The following ULK4 variants were observed in gnomAD, a reference collection of about 807,000 sequenced individuals.
ULK4 encodes the protein unc-51 like kinase 4.
Under a neutral mutation model 160.6 loss-of-function variants are expected in ULK4, and 133 were observed. The ratio of observed to expected loss-of-function variants is 0.83; its 90% CI spans 0.72 to 0.96. ULK4 has a LOEUF of 0.96. Ranked by LOEUF, ULK4 falls within the 40% of genes least tolerant of loss-of-function variation. The pLI is 0.00. For missense variants in ULK4, 1,580 were observed against 1,499.5 expected (o/e 1.05, Z -0.89); for synonymous variants, 534 against 539.8 (o/e 0.99, Z 0.15).
intron 20 of ULK4, among the ~76,000 whole-genome samples, chr3:41,794,700 A>AAAC (rs1438578130): frequency 2.0e-5 from 3 of 148,628 alleles, no homozygotes; most frequent in Non-Finnish European, 3.0e-5. Context: ...AGAAAAAAAA[A>AAAC]CCACAAACCT....
chr3:41,869,286 T>C (rs1366557100), intron 17 of ULK4, among the ~76,000 whole-genome samples: 4 of 152,168 alleles, frequency 2.6e-5, no homozygotes, highest in African/African-American at 4.8e-5. Context: ...TATTATATTA[T>C]GGGCTATACA....
At chr3:41,306,528 G>A (rs1351926712) in intron 35 of ULK4, among the ~76,000 whole-genome samples, 8 of 149,058 alleles carry the variant, frequency 5.4e-5, no homozygotes, top group Admixed American at 1.3e-4. Flanking sequence ...GAGGTGGGGG[G>A]GTCAGCCCCC....
In ULK4 at chr3:41,434,755, G is replaced by A. The variant is rs896253619; in HGVS notation, c.3492+20742C>T. 3.9e-5 allele frequency among the ~76,000 whole-genome samples: 6 copies of A among 152,254 alleles called. No homozygotes were observed. The East Asian group carries it at 1.2e-3, about 29-fold the overall frequency. Reference sequence around the variant, plus strand: ...ACTTTTGGTACCTTGTATGTGAAAAGTCCCAGCATATAAATATATTTTTTA... The same window carrying A: ...ACTTTTGGTACCTTGTATGTGAAAAATCCCAGCATATAAATATATTTTTTA... On this transcript the variant is annotated intron_variant, in intron 34 of 36. Transcript: ENST00000301831.
At chr3:41,345,078 C>G (rs115952499) in intron 35 of ULK4, among the ~76,000 whole-genome samples, 2 of 152,154 alleles carry the variant, frequency 1.3e-5, no homozygotes, top group East Asian at 3.9e-4. Context: ...CACGAGATAC[C>G]GTCTCATGCC....
intron 27 of ULK4, among the ~76,000 whole-genome samples, chr3:41,691,979 T>A (rs2036317558): frequency 7.6e-6 from 1 of 131,512 alleles, no homozygotes; most frequent in Admixed American, 8.4e-5. Flanking sequence ...TGAGACTGAG[T>A]CTCGCTCTTT....
intron 25 of ULK4, among the ~76,000 whole-genome samples, chr3:41,711,353 G>A (rs73069356): frequency 0.12 from 17,603 of 152,130 alleles, 1,225 homozygotes; most frequent in Middle Eastern, 0.26. Flanking sequence ...CTGGCTAGGG[G>A]GTGTGAAGCA....
chr3:41,490,034 C>T (rs950203566), intron 32 of ULK4, among the ~76,000 whole-genome samples: 1 of 152,200 alleles, frequency 6.6e-6, no homozygotes, highest in African/African-American at 2.4e-5. Flanking sequence ...ATGCTATCTT[C>T]ACCCACTCAA....
intron 35 of ULK4, among the ~76,000 whole-genome samples, chr3:41,284,611 C>T (rs548454982): frequency 6.6e-6 from 1 of 152,264 alleles, no homozygotes; most frequent in East Asian, 1.9e-4. Flanking sequence ...GGATTAAGAA[C>T]TTAAACCTAA....
chr3:41,577,324 C>G (rs908402616), intron 31 of ULK4, among the ~76,000 whole-genome samples: 9 of 152,130 alleles, frequency 5.9e-5, no homozygotes, highest in African/African-American at 2.2e-4. Context: ...TAGTTCAATC[C>G]TTTAATTTTT....
chr3:41,522,999 C>A (rs1483942619), intron 32 of ULK4, among the ~76,000 whole-genome samples: 1 of 152,154 alleles, frequency 6.6e-6, no homozygotes. Flanking sequence ...GTAACCTCCA[C>A]CTCCCAGGTT....
intron 35 of ULK4, among the ~76,000 whole-genome samples, chr3:41,353,155 G>A (rs1278407409): frequency 6.6e-6 from 1 of 152,124 alleles, no homozygotes; most frequent in African/African-American, 2.4e-5. Flanking sequence ...TTAAGCTTTG[G>A]TACCCGTTGC....
At chr3:41,413,288 T>C (rs914942458) in intron 34 of ULK4, among the ~76,000 whole-genome samples, 2 of 151,940 alleles carry the variant, frequency 1.3e-5, no homozygotes, top group African/African-American at 2.4e-5. Context: ...AAATTCAAGA[T>C]GAGATTTGGG....
chr3:41,307,199 G>A (rs892957020), intron 35 of ULK4, among the ~76,000 whole-genome samples: 4 of 150,610 alleles, frequency 2.7e-5, no homozygotes, highest in African/African-American at 9.8e-5. Flanking sequence ...GAGTGAAGGT[G>A]CAGCAGCAGA....
chr3:41,716,231 TAATAATAA>T (rs2037262339), intron 23 of ULK4, among the ~76,000 whole-genome samples: 1 of 146,646 alleles, frequency 6.8e-6, no homozygotes, highest in African/African-American at 2.5e-5. Flanking sequence ...ATAATAATAA[TAATAATAA>T]TAATAATAAT....
intron 32 of ULK4, among the ~76,000 whole-genome samples, chr3:41,555,848 A>G (rs1302202456): frequency 6.6e-6 from 1 of 152,048 alleles, no homozygotes. Flanking sequence ...ACAAAACAAA[A>G]CCAAAACAAG....
At chr3:41,938,652 A>C (rs920404567) in intron 2 of ULK4, among the ~76,000 whole-genome samples, 1 of 152,232 alleles carries the variant, frequency 6.6e-6, no homozygotes, top group Non-Finnish European at 1.5e-5. Context: ...ACTGCACTCC[A>C]GCCTGGGTGA....
At chr3:41,718,126 G>A (rs1180113966) in intron 22 of ULK4, among the ~76,000 whole-genome samples, 2 of 152,156 alleles carry the variant, frequency 1.3e-5, no homozygotes, top group East Asian at 3.9e-4. Context: ...TATTCTCCAG[G>A]TGATAAATGA....
At chr3:41,856,300 C>A (rs2042334353) in intron 17 of ULK4, among the ~76,000 whole-genome samples, 1 of 151,422 alleles carries the variant, frequency 6.6e-6, no homozygotes, top group East Asian at 1.9e-4. Flanking sequence ...AGGGTAAATT[C>A]ACTGAAATTA....
chr3:41,506,907 G>A (rs1275692512), intron 32 of ULK4, among the ~76,000 whole-genome samples: 3 of 147,524 alleles, frequency 2.0e-5, no homozygotes, highest in South Asian at 4.3e-4. Flanking sequence ...GCGCATTGGC[G>A]GGTATCCTGG....
Sources: allele counts gnomAD v4.1 joint callset (sites outside exome capture counted in the v4.1 genomes callset), GRCh38; gene constraint gnomAD v4.1.1; transcripts MANE v1.5; gene names NCBI Gene and HGNC (gene_info 2026-07-23, HGNC 2026-07-21).